CELF2: variants seen among roughly 807,000 people sequenced by gnomAD.
The protein encoded by CELF2 is CUG triplet repeat RNA-binding protein 2.
Under a neutral mutation model 62.6 loss-of-function variants are expected in CELF2, and 8 were observed. The observed-to-expected ratio is 0.13, with a 90% confidence interval of 0.07 to 0.23. CELF2 has a LOEUF of 0.23. Among genes scored for constraint, CELF2 ranks in the 10% least tolerant of loss-of-function variants. The probability of loss-of-function intolerance (pLI) is 1.00; values close to 1 mark genes in which losing one functional copy is unlikely to be tolerated. For missense variants in CELF2, 333 were observed against 671.0 expected (o/e 0.50, Z 5.56); for synonymous variants, 258 against 250.0 (o/e 1.03, Z -0.30).
the CELF2 span, among the ~76,000 whole-genome samples, chr10:10,674,991 A>T: frequency 1.3e-5 from 2 of 152,166 alleles, no homozygotes; most frequent in African/African-American, 4.8e-5. Flanking sequence ...ACATAGTTGA[A>T]ATTGTTGTTG....
chr10:10,529,024 G>A, the CELF2 span, among the ~76,000 whole-genome samples: 1 of 152,148 alleles, frequency 6.6e-6, no homozygotes, highest in African/African-American at 2.4e-5. Flanking sequence ...TTATCAGCCT[G>A]AGCAGGATAG....
intron 2 of CELF2, among the ~76,000 whole-genome samples, chr10:10,961,527 A>G (rs2049499303): frequency 6.6e-6 from 1 of 151,902 alleles, no homozygotes; most frequent in African/African-American, 2.4e-5. Flanking sequence ...TGAGCGGATC[A>G]CGTGAGGTCA....
intron 1 of CELF2, among the ~76,000 whole-genome samples, chr10:11,144,746 G>A (rs771392548): frequency 2.4e-4 from 37 of 151,792 alleles, no homozygotes; most frequent in Non-Finnish European, 4.4e-4. Context: ...TAAAAAATCA[G>A]CCAGGTGTGG....
intron 8 of CELF2, among the ~76,000 whole-genome samples, chr10:11,277,849 C>T (rs371250772): frequency 6.6e-5 from 10 of 152,240 alleles, no homozygotes; most frequent in African/African-American, 2.4e-4. Context: ...CTGTGTCCTA[C>T]GTAGAGGGGG....
the CELF2 span, among the ~76,000 whole-genome samples, chr10:10,672,519 G>A: frequency 2.0e-5 from 3 of 148,720 alleles, no homozygotes. Context: ...GCATATGCAT[G>A]TCTAGTTGGT....
chr10:11,270,607 G>T lies in CELF2; in HGVS notation c.619-59G>T. On this transcript the variant is annotated intron_variant, in intron 6 of 12. Transcript: ENST00000633077. This position sits in a 1 kb window ranked among gnomAD's most constrained non-coding sequence, Gnocchi z 5.8. Reference sequence around the variant, plus strand: ...AAAGGTAGCTCCGGTGCTGAGTGTCGTGAGCGGATTCCGCCAGCCTGTAAC... The same window carrying T: ...AAAGGTAGCTCCGGTGCTGAGTGTCTTGAGCGGATTCCGCCAGCCTGTAAC... 7.4e-7 allele frequency: 1 copy of T among 1,349,546 alleles called. No individual in the cohort carries two copies. Among genetic ancestry groups the T allele is most frequent in the Non-Finnish European group, 9.7e-7 (1 of 1,033,690 alleles). The allele number at this position is 1,349,546 out of a possible 1,614,324, so 83.6% of individuals were successfully genotyped here.
chr10:10,915,110 C>G (rs1245698525), intron 1 of CELF2, among the ~76,000 whole-genome samples: 1 of 140,970 alleles, frequency 7.1e-6, no homozygotes, highest in Admixed American at 7.4e-5. Context: ...CCAGCGTGGG[C>G]GACAGAGTGA....
intron 3 of CELF2, among the ~76,000 whole-genome samples, chr10:11,226,324 G>T (rs941973667): frequency 3.9e-5 from 6 of 152,230 alleles, no homozygotes; most frequent in African/African-American, 1.4e-4. Flanking sequence ...AGTATGTCTG[G>T]ACTCTAAGCC....
intron 2 of CELF2, among the ~76,000 whole-genome samples, chr10:11,200,367 A>G (rs770037695): frequency 7.9e-5 from 12 of 152,260 alleles, no homozygotes; most frequent in Non-Finnish European, 1.2e-4. Context: ...CAGCAAAGAT[A>G]TGAATTCCCA....
the CELF2 span, among the ~76,000 whole-genome samples, chr10:10,630,104 G>A: frequency 0.34 from 51,316 of 151,828 alleles, 9,942 homozygotes; most frequent in South Asian, 0.64. Flanking sequence ...TCAACCCATC[G>A]CCCACTTTCC....
At chr10:11,139,492 T>TA (rs2066789692) in intron 1 of CELF2, among the ~76,000 whole-genome samples, 1 of 152,252 alleles carries the variant, frequency 6.6e-6, no homozygotes, top group African/African-American at 2.4e-5. Context: ...TTTATGGTAT[T>TA]ATGTGCTAAA....
intron 12 of CELF2, among the ~76,000 whole-genome samples, 186 bp downstream of exon 12, chr10:11,326,165 G>A (rs955738812): frequency 1.3e-5 from 2 of 152,166 alleles, no homozygotes; most frequent in East Asian, 1.9e-4. Context: ...TAAAGTCAAC[G>A]CCCATACATT....
rs1329770894 is a variant in CELF2 at position 11,197,070 on chromosome 10, G to GAAGGAAAGAAAGGAAA, written c.272-20355_272-20354insAAGGAAAGAAAGGAAA. ...GAAAGAAAGAAAGAAAAGAAAGAAAGGAAAGAAAGAAAGAAGAAAGAAAGA... is the reference window on the plus strand; with the variant it reads ...GAAAGAAAGAAAGAAAAGAAAGAAAGAAGGAAAGAAAGGAAAGAAAGAAAGAAAGAAGAAAGAAAGA... On this transcript the variant is annotated intron_variant, in intron 2 of 12. Transcript: ENST00000633077. Among the ~76,000 whole-genome samples the GAAGGAAAGAAAGGAAA allele has an allele frequency of 6.4e-4, 50 of 78,140 alleles. 2 individuals carry two copies. Among genetic ancestry groups the GAAGGAAAGAAAGGAAA allele is most frequent in the East Asian group, 2.7e-3 (4 of 1,488 alleles). 51.3% of individuals were successfully genotyped at this position (78,140 alleles called of 152,430 possible). A position where few individuals can be genotyped will look rare whatever the true frequency, so the allele number is the denominator to read the frequency against.
chr10:10,691,426 T>C, the CELF2 span, among the ~76,000 whole-genome samples: 2 of 146,582 alleles, frequency 1.4e-5, no homozygotes, highest in Non-Finnish European at 3.0e-5. Context: ...TTTGGGTTGG[T>C]TCCAAGTCTT....
the CELF2 span, among the ~76,000 whole-genome samples, chr10:10,647,045 A>G: frequency 6.6e-6 from 1 of 152,202 alleles, no homozygotes; most frequent in Non-Finnish European, 1.5e-5. Flanking sequence ...GACATTATAA[A>G]TAGGGTCACA....
intron 1 of CELF2, among the ~76,000 whole-genome samples, chr10:11,118,768 T>C (rs2057105181): frequency 6.6e-6 from 1 of 152,184 alleles, no homozygotes; most frequent in African/African-American, 2.4e-5. Flanking sequence ...ATCAAAAGCC[T>C]GTAGTGTTAT....
At position 11,165,792 on chromosome 10, in the gene CELF2, G is replaced by A; in HGVS notation, c.271+110G>A. The A allele has an allele frequency of 9.7e-7, 1 of 1,028,518 alleles. No homozygotes were observed. The highest frequency in any genetic ancestry group is 1.4e-6 in the Non-Finnish European group (1 of 725,484). 63.7% of individuals were successfully genotyped at this position (1,028,518 alleles called of 1,614,324 possible). On this transcript the variant is annotated intron_variant, in intron 2 of 12. Transcript: ENST00000633077. This position sits in a 1 kb window ranked among gnomAD's most constrained non-coding sequence, Gnocchi z 7.4. ...GGAAGGGCGGGTAGGCAGGAGGGCT[G>A]GAAGCAGCCGGTGCTGGCGGCCCCT...
At chr10:11,215,100 A>G (rs766272265) in intron 2 of CELF2, among the ~76,000 whole-genome samples, 18 of 152,360 alleles carry the variant, frequency 1.2e-4, no homozygotes, top group Non-Finnish European at 1.8e-4. Flanking sequence ...CTAAGCTGTA[A>G]TAACTAGCAA....
chr10:10,786,572 C>T, the CELF2 span: 1 of 152,022 alleles, frequency 6.6e-6, no homozygotes, highest in Non-Finnish European at 1.5e-5. Context: ...TCTCAATCTG[C>T]TATTACAAGT....
Sources: gnomAD v4.1 joint callset for allele counts (sites outside exome capture counted in the v4.1 genomes callset) on GRCh38, gnomAD v4.1.1 for gene constraint, Gnocchi (gnomAD v3.1) non-coding constraint, MANE v1.5 for transcripts, NCBI Gene and HGNC (gene_info 2026-07-23, HGNC 2026-07-21) for gene names.